Variants in RNF150 observed in about 807,000 individuals in gnomAD.
RNF150 encodes the protein ring finger protein 150.
Under a neutral mutation model 39.3 loss-of-function variants are expected in RNF150, and 24 were observed. That is an observed-to-expected ratio of 0.61 (90% CI 0.44 to 0.86). The LOEUF (loss-of-function observed/expected upper bound fraction) is 0.86, where lower values mean the gene tolerates loss of function less well. RNF150 is among the 40% of genes least tolerant of loss of function. The probability of loss-of-function intolerance (pLI) is 0.00; values close to 1 mark genes in which losing one functional copy is unlikely to be tolerated. For missense variants in RNF150, 502 were observed against 587.8 expected (o/e 0.85, Z 1.51); for synonymous variants, 255 against 227.3 (o/e 1.12, Z -1.10).
At chr4:140,963,888 A>T (rs1047545385) in intron 2 of RNF150, among the ~76,000 whole-genome samples, 3 of 152,068 alleles carry the variant, frequency 2.0e-5, no homozygotes, top group African/African-American at 7.2e-5. Context: ...CACTTCTGAC[A>T]TTATATATTT....
chr4:141,181,389 AATTG>A (rs772797191), intron 1 of RNF150, among the ~76,000 whole-genome samples: 6 of 152,232 alleles, frequency 3.9e-5, no homozygotes, highest in Non-Finnish European at 5.9e-5. Flanking sequence ...TGGTTGAATA[AATTG>A]ATTGACCTGA....
At chr4:141,177,420 A>ATC (rs150258107) in intron 1 of RNF150, among the ~76,000 whole-genome samples, 4 of 151,694 alleles carry the variant, frequency 2.6e-5, no homozygotes, top group South Asian at 2.1e-4. Context: ...AAATTTGATT[A>ATC]TCTCTCTCTC....
chr4:140,949,068 A>G (rs893048286), intron 3 of RNF150, among the ~76,000 whole-genome samples: 1 of 152,152 alleles, frequency 6.6e-6, no homozygotes, highest in Non-Finnish European at 1.5e-5. Flanking sequence ...TCTATTTTTT[A>G]TACACTTATC....
chr4:140,926,941 C>T (rs948844245), intron 4 of RNF150, among the ~76,000 whole-genome samples: 17 of 152,202 alleles, frequency 1.1e-4, no homozygotes, highest in African/African-American at 4.1e-4. Context: ...TCAGGACATT[C>T]CATGCATGAC....
intron 1 of RNF150, among the ~76,000 whole-genome samples, chr4:141,155,816 C>T (rs112172837): frequency 5.3e-5 from 8 of 152,234 alleles, no homozygotes; most frequent in African/African-American, 1.9e-4. Context: ...TGTGCCGAAA[C>T]CACAAAAACG....
intron 1 of RNF150, among the ~76,000 whole-genome samples, chr4:141,198,193 T>A (rs1003646015): frequency 6.7e-6 from 1 of 149,912 alleles, no homozygotes; most frequent in African/African-American, 2.5e-5. Flanking sequence ...TCCAAGATAA[T>A]TTTTTGTATT....
At chr4:140,972,064 ATT>A (rs1733488123) in intron 1 of RNF150, among the ~76,000 whole-genome samples, 1 of 152,014 alleles carries the variant, frequency 6.6e-6, no homozygotes. Context: ...ATTTGTAGAT[ATT>A]TTCTATTTGT....
intron 1 of RNF150, among the ~76,000 whole-genome samples, chr4:141,124,496 C>T (rs1048098679): frequency 1.3e-5 from 2 of 152,162 alleles, no homozygotes; most frequent in African/African-American, 2.4e-5. Flanking sequence ...ATAAATGAAG[C>T]GGAAAACATC....
chr4:140,929,190 T>C (rs538903065), intron 4 of RNF150, among the ~76,000 whole-genome samples: 1 of 149,656 alleles, frequency 6.7e-6, no homozygotes, highest in South Asian at 2.2e-4. Context: ...AGATGATTAA[T>C]ATCCCCAAGT....
chr4:141,082,589 AT>A (rs1340428546), intron 1 of RNF150, among the ~76,000 whole-genome samples: 1 of 135,748 alleles, frequency 7.4e-6, no homozygotes, highest in Non-Finnish European at 1.5e-5. Context: ...TATTTTTTTT[AT>A]TTTTTATTTT....
intron 1 of RNF150, among the ~76,000 whole-genome samples, chr4:141,018,210 A>C (rs1038050613): frequency 2.0e-5 from 3 of 152,142 alleles, no homozygotes. Context: ...CTAGGTTGTC[A>C]GTCCTAATAT....
At chr4:141,056,549 T>C (rs1196382049) in intron 1 of RNF150, among the ~76,000 whole-genome samples, 1 of 151,986 alleles carries the variant, frequency 6.6e-6, no homozygotes, top group East Asian at 1.9e-4. Flanking sequence ...TTTTATACTT[T>C]AGAGTCTCAG....
chr4:141,153,853 G>A (rs566454064), intron 1 of RNF150, among the ~76,000 whole-genome samples: 8 of 152,238 alleles, frequency 5.3e-5, no homozygotes, highest in African/African-American at 1.4e-4. Flanking sequence ...ATAGTGAATA[G>A]AGGAGGTATG....
chr4:140,912,079 C>T (rs902777609), intron 5 of RNF150, among the ~76,000 whole-genome samples: 13 of 152,210 alleles, frequency 8.5e-5, no homozygotes, highest in Non-Finnish European at 1.6e-4. Flanking sequence ...TGACAGCTTC[C>T]CTTGAAGAAC....
chr4:141,192,546 A>G (rs1174926903), intron 1 of RNF150, among the ~76,000 whole-genome samples: 1 of 152,196 alleles, frequency 6.6e-6, no homozygotes, highest in Non-Finnish European at 1.5e-5. Flanking sequence ...TTAGACAGGA[A>G]CATCAGGAAA....
intron 6 of RNF150, among the ~76,000 whole-genome samples, chr4:140,887,624 G>A (rs1295126733): frequency 6.6e-6 from 1 of 152,094 alleles, no homozygotes; most frequent in East Asian, 1.9e-4. Flanking sequence ...TATCCCTACT[G>A]CTTGTACAAG....
In RNF150 at chr4:141,187,429, T is replaced by C. The variant is rs369945052; in HGVS notation, c.-6+25365A>G. Among the ~76,000 whole-genome samples the C allele has an allele frequency of 1.1e-4, 16 of 152,272 alleles. No homozygotes were observed. The East Asian group carries it at 2.9e-3, about 28-fold the overall frequency. On this transcript the variant is annotated intron_variant, in intron 1 of 7. Coordinates refer to the RNF150 transcript ENST00000420921. ...CTTGTGAATTTTCAGTCTCATTGAT[T>C]TGTCTAATATTGACAGTGGGGAGTT...
chr4:141,126,505 G>T (rs554680907), intron 1 of RNF150, among the ~76,000 whole-genome samples: 2 of 152,168 alleles, frequency 1.3e-5, no homozygotes. Flanking sequence ...CCCCAAGTTT[G>T]GCTACATAAA....
At position 140,911,280 on chromosome 4, in the gene RNF150, G is replaced by A; in HGVS notation, c.1062C>T (p.Ile354=). The part of the protein sequence containing the change: ...GSLGGPPTNQ[I]TGASDTTVNE... ...TCACTGTTGTGTCGCTGGCACCTGT[G>A]ATCTGGTTGGTGGGTGGACCTCCCA... The change falls in exon 6 of 7, where the codon ATC becomes ATT. Residue 354 remains isoleucine (I), a synonymous_variant. Transcript: ENST00000515673. The A allele has an allele frequency of 6.2e-7, 1 of 1,614,156 alleles. No individual in the cohort carries two copies. The highest frequency in any genetic ancestry group is 1.7e-5 in the Admixed American group (1 of 60,028).
Sources: gnomAD v4.1 joint callset for allele counts (sites outside exome capture counted in the v4.1 genomes callset) on GRCh38, gnomAD v4.1.1 for gene constraint, MANE v1.5 for transcripts, NCBI Gene and HGNC (gene_info 2026-07-23, HGNC 2026-07-21) for gene names.